GARRE1: variants seen among roughly 807,000 people sequenced by gnomAD.
The protein encoded by GARRE1 is granule associated Rac and RHOG effector 1.
A neutral mutation model predicts 103.2 loss-of-function variants in GARRE1; 49 were observed. The ratio of observed to expected loss-of-function variants is 0.47; its 90% CI spans 0.38 to 0.60. GARRE1 has a LOEUF of 0.60. GARRE1 is among the 20% of genes least tolerant of loss of function. The pLI is 0.00. For missense variants in GARRE1, 1,199 were observed against 1,370.5 expected, an observed-to-expected ratio of 0.87 and a Z score of 1.98; for synonymous variants, 505 against 532.8, an observed-to-expected ratio of 0.95 and a Z score of 0.72.
chr19:34,304,460 C>G (rs960874259), intron 2 of GARRE1, among the ~76,000 whole-genome samples: 2 of 150,764 alleles, frequency 1.3e-5, no homozygotes, highest in African/African-American at 4.9e-5. Flanking sequence ...ACAGCAGCCT[C>G]TGTCTCCTGG....
chr19:34,320,641 G>GT (rs950789746), intron 3 of GARRE1, among the ~76,000 whole-genome samples: 1 of 151,982 alleles, frequency 6.6e-6, no homozygotes, highest in African/African-American at 2.4e-5. Context: ...GGAATTTTGT[G>GT]TTTTTTGTTA....
At chr19:34,345,122 G>A (rs760975658) in intron 10 of GARRE1, among the ~76,000 whole-genome samples, 23 of 152,200 alleles carry the variant, frequency 1.5e-4, no homozygotes, top group Non-Finnish European at 1.2e-4. Flanking sequence ...ACAGGCATGA[G>A]CCACCGCGCC....
At chr19:34,340,129 A>G (rs184564406) in intron 9 of GARRE1, 137 bp downstream of exon 9, 3 of 864,650 alleles carry the variant, frequency 3.5e-6, no homozygotes, top group East Asian at 5.0e-5. Context: ...TTTTATTTTC[A>G]GAATAATTTA....
rs144118856 is a variant in GARRE1, at chr19:34,298,245, G to A, written c.-795-1434G>A. Among the ~76,000 whole-genome samples the A allele has an allele frequency of 1.3e-3, 202 of 150,366 alleles. 3 individuals carry two copies. In the East Asian group the frequency reaches 0.036, roughly 27 times the overall value. ...AGCCTGGGCAACATGGCGAAACCTC[G>A]TCTCTACAAAAAATACAAAAATTAA... On this transcript the variant is annotated intron_variant, in intron 1 of 13. Transcript: ENST00000299505.
At chr19:34,349,176 A>G (rs1200128433) in intron 12 of GARRE1, 23 bp downstream of exon 12, 3 of 1,609,536 alleles carry the variant, frequency 1.9e-6, no homozygotes, top group Non-Finnish European at 2.5e-6. Flanking sequence ...TTCTAAACCA[A>G]GGTGGGGAGA....
At chr19:34,318,138 G>A (rs890869363) in intron 2 of GARRE1, among the ~76,000 whole-genome samples, 2 of 152,202 alleles carry the variant, frequency 1.3e-5, no homozygotes, top group Non-Finnish European at 2.9e-5. Context: ...GGTGAGGAGG[G>A]ATTCGGAGAT....
At chr19:34,316,431 C>T (rs1375192441) in intron 2 of GARRE1, among the ~76,000 whole-genome samples, 1 of 152,330 alleles carries the variant, frequency 6.6e-6, no homozygotes, top group East Asian at 1.9e-4. Flanking sequence ...GGGTCACACT[C>T]TCCCAAACTT....
chr19:34,351,440 C>A, intron 12 of GARRE1, 74 bp from the exon 13 acceptor site: 2 of 1,133,200 alleles, frequency 1.8e-6, no homozygotes, highest in East Asian at 2.3e-5. Flanking sequence ...TGGAGCCTAG[C>A]ACTAGTGTGT....
At chr19:34,327,643 A>G in intron 4 of GARRE1, 82 bp downstream of exon 4, 1 of 1,530,436 alleles carries the variant, frequency 6.5e-7, no homozygotes, top group East Asian at 2.3e-5. Flanking sequence ...TGAATCAATT[A>G]GAAAGGGTTA....
chr19:34,257,376 C>A (rs919089861), intron 1 of GARRE1, among the ~76,000 whole-genome samples: 9 of 151,878 alleles, frequency 5.9e-5, no homozygotes, highest in Admixed American at 4.6e-4. Flanking sequence ...CTCCCTCTGT[C>A]CCCGAGGCTG....
intron 1 of GARRE1, among the ~76,000 whole-genome samples, chr19:34,261,575 A>C (rs1005520447): frequency 1.3e-5 from 2 of 152,078 alleles, no homozygotes; most frequent in Non-Finnish European, 2.9e-5. Flanking sequence ...ACTTCTGGAG[A>C]AGGCTGTTCT....
chr19:34,341,691 C>T lies in GARRE1; in HGVS notation c.1757C>T (p.Thr586Ile). ...EKAKMPGNID[T>I]RLQSILNIGN... ...GCCAAAATGCCTGGCAATATTGATA[C>T]AAGGTTACAAAGCATTTTGAACATT... The change falls in exon 10 of 14, where the codon ACA (threonine) becomes ATA (isoleucine). Residue 586 changes from threonine to isoleucine, a missense_variant. Thr to Ile is a moderately conservative substitution (Grantham distance 89). Coordinates refer to ENST00000299505, the MANE Select transcript of GARRE1 (RefSeq NM_014686.5). 1 of 1,614,180 alleles carries T rather than the reference C, an allele frequency of 6.2e-7. No individual in the cohort carries two copies. The highest frequency in any genetic ancestry group is 8.5e-7 in the Non-Finnish European group (1 of 1,180,032).
At chr19:34,294,947 G>T (rs2073939363) in intron 1 of GARRE1, among the ~76,000 whole-genome samples, 1 of 152,164 alleles carries the variant, frequency 6.6e-6, no homozygotes, top group South Asian at 2.1e-4. Context: ...AAAGCACTGG[G>T]ATTACAGGCT....
rs76181296 is a variant in GARRE1 at position 34,337,230 on chromosome 19, A to G, written c.1362-2637A>G. On this transcript the variant is annotated intron_variant, in intron 8 of 13. Coordinates refer to ENST00000299505, the MANE Select transcript of GARRE1 (RefSeq NM_014686.5). ...CCAGACACTGTTCTGGGCTCTGGGAATTTAATTATGAGCAAGACACACAGG... is the reference window on the plus strand; with the variant it reads ...CCAGACACTGTTCTGGGCTCTGGGAGTTTAATTATGAGCAAGACACACAGG... 1.7e-3 allele frequency among the ~76,000 whole-genome samples: 254 copies of G among 152,286 alleles called. 2 individuals are homozygous for G. Among genetic ancestry groups the G allele is most frequent in the African/African-American group, 5.3e-3 (222 of 41,562 alleles).
chr19:34,351,097 G>A (rs2074234044), intron 12 of GARRE1, among the ~76,000 whole-genome samples: 1 of 151,584 alleles, frequency 6.6e-6, no homozygotes, highest in Non-Finnish European at 1.5e-5. Flanking sequence ...TACTCGGGAC[G>A]CTGAGGCACA....
intron 3 of GARRE1, 49 bp downstream of exon 3, chr19:34,320,165 C>G: frequency 8.0e-6 from 12 of 1,494,316 alleles, no homozygotes; most frequent in Non-Finnish European, 1.1e-5. Flanking sequence ...ATAGGAGAGG[C>G]TCCAGAGGGC....
At chr19:34,327,291 G>A (rs1288661840) in intron 3 of GARRE1, 130 bp from the exon 4 acceptor site, 5 of 843,978 alleles carry the variant, frequency 5.9e-6, no homozygotes, top group Non-Finnish European at 9.0e-6. Flanking sequence ...AGAACTTCTA[G>A]TTTATTTGCT....
chr19:34,323,806 C>T (rs773562848), intron 3 of GARRE1, among the ~76,000 whole-genome samples: 5 of 152,168 alleles, frequency 3.3e-5, no homozygotes, highest in East Asian at 1.9e-4. Context: ...AGGAGGCCTC[C>T]GAGTTCTCTC....
intron 2 of GARRE1, among the ~76,000 whole-genome samples, chr19:34,313,308 G>C (rs957036258): frequency 6.6e-6 from 1 of 152,196 alleles, no homozygotes; most frequent in African/African-American, 2.4e-5. Context: ...ATAGGAAGCC[G>C]CCCAGGAGTC....
Sources: allele counts gnomAD v4.1 joint callset (sites outside exome capture counted in the v4.1 genomes callset), GRCh38; gene constraint gnomAD v4.1.1; transcripts MANE v1.5; gene names NCBI Gene and HGNC (gene_info 2026-07-23, HGNC 2026-07-21).